The following COMMD10 variants were observed in gnomAD, a reference collection of about 807,000 sequenced individuals.
COMMD10 encodes the protein COMM domain containing 10, also known as COMM domain-containing protein 10.
In COMMD10, 33 loss-of-function variants were observed where a neutral mutation model predicts 28.9. That is an observed-to-expected ratio of 1.14 (90% CI 0.87 to 1.53). The LOEUF is 1.53. Ranked by LOEUF, COMMD10 falls within the 40% of genes most tolerant of loss-of-function variation. The pLI is 0.00. For synonymous variants in COMMD10, 110 were observed against 81.7 expected, an observed-to-expected ratio of 1.35 and a Z score of -1.87; for missense variants, 310 against 233.4, an observed-to-expected ratio of 1.33 and a Z score of -2.14.
chr5:116,185,733 A>G (rs1027994232), intron 5 of COMMD10, among the ~76,000 whole-genome samples: 4 of 152,158 alleles, frequency 2.6e-5, no homozygotes, highest in African/African-American at 9.7e-5. Context: ...TTGAGCCTTG[A>G]TTACAAATTT....
At chr5:116,092,038 A>G (rs1224431192) in intron 3 of COMMD10, among the ~76,000 whole-genome samples, 1 of 152,200 alleles carries the variant, frequency 6.6e-6, no homozygotes, top group Non-Finnish European at 1.5e-5. Flanking sequence ...ACAGCATAGC[A>G]TGGTGTTCCA....
At chr5:116,193,771 A>G (rs1748434073) in intron 5 of COMMD10, among the ~76,000 whole-genome samples, 1 of 152,228 alleles carries the variant, frequency 6.6e-6, no homozygotes, top group Admixed American at 6.5e-5. Context: ...ATCAAGACAA[A>G]GTCAACAAAG....
At chr5:116,164,021 A>G (rs546860425) in intron 5 of COMMD10, among the ~76,000 whole-genome samples, 16 of 152,262 alleles carry the variant, frequency 1.1e-4, no homozygotes, top group Admixed American at 5.2e-4. Flanking sequence ...TCCTTAGTCA[A>G]TATAACACTC....
In COMMD10 at chr5:116,276,875, A is replaced by G. The variant is rs762518255; in HGVS notation, c.511-14642A>G. ...ACCGGGAGAGGAGGGAGCAGGGGGT[A>G]AGACAGGAGAGTTGGTGGATAATAA... is the stretch of plus-strand genomic sequence containing the variant. On this transcript the variant is annotated intron_variant, in intron 5 of 6. Coordinates refer to ENST00000274458, the MANE Select transcript of COMMD10 (RefSeq NM_016144.4). Among the ~76,000 whole-genome samples, 4 of 151,762 alleles carry G rather than the reference A, an allele frequency of 2.6e-5. No homozygotes were observed. In the South Asian group the frequency reaches 8.3e-4, roughly 31 times the overall value.
intron 5 of COMMD10, among the ~76,000 whole-genome samples, chr5:116,188,162 T>A (rs1748203458): frequency 6.6e-6 from 1 of 152,162 alleles, no homozygotes; most frequent in Non-Finnish European, 1.5e-5. Context: ...CAATTAGTAC[T>A]CATGATGGAG....
At chr5:116,114,859 A>G (rs1000883801) in intron 4 of COMMD10, among the ~76,000 whole-genome samples, 1 of 151,840 alleles carries the variant, frequency 6.6e-6, no homozygotes, top group African/African-American at 2.4e-5. Context: ...CTCATAACTC[A>G]GCCCTGCCCA....
intron 5 of COMMD10, among the ~76,000 whole-genome samples, chr5:116,148,419 A>T (rs1752410877): frequency 6.6e-6 from 1 of 151,838 alleles, no homozygotes; most frequent in South Asian, 2.1e-4. Flanking sequence ...GACATAAAGA[A>T]GTTCTACCCT....
intron 5 of COMMD10, among the ~76,000 whole-genome samples, chr5:116,154,037 C>T (rs1406826924): frequency 6.6e-6 from 1 of 152,034 alleles, no homozygotes; most frequent in East Asian, 1.9e-4. Context: ...GGCAAGAGGT[C>T]AGCTGAGATA....
chr5:116,167,862 C>T (rs1313412300), intron 5 of COMMD10, among the ~76,000 whole-genome samples: 3 of 152,120 alleles, frequency 2.0e-5, no homozygotes, highest in Admixed American at 6.5e-5. Context: ...AAACTGGTAC[C>T]AGCCACTGCA....
At chr5:116,237,990 C>T (rs1440596146) in intron 5 of COMMD10, among the ~76,000 whole-genome samples, 2 of 152,112 alleles carry the variant, frequency 1.3e-5, no homozygotes, top group Non-Finnish European at 2.9e-5. Flanking sequence ...AAGCAATCTG[C>T]TCCCAGAATG....
chr5:116,195,238 C>T (rs944928275), intron 5 of COMMD10, among the ~76,000 whole-genome samples: 1 of 152,118 alleles, frequency 6.6e-6, no homozygotes, highest in Admixed American at 6.6e-5. Context: ...GAAAGCATTT[C>T]CTCTGAGAAC....
chr5:116,137,640 A>G (rs530032763), intron 5 of COMMD10, among the ~76,000 whole-genome samples: 3 of 152,122 alleles, frequency 2.0e-5, no homozygotes, highest in African/African-American at 7.2e-5. Context: ...ACTGAAGAGT[A>G]CGGTTTATAA....
chr5:116,085,911 C>T lies in COMMD10; in HGVS notation c.41+818C>T, dbSNP rs144621224. Among the ~76,000 whole-genome samples, 1,042 of 152,258 alleles carry T rather than the reference C, an allele frequency of 6.8e-3. 5 individuals are homozygous for T. Among genetic ancestry groups the T allele is most frequent in the Non-Finnish European group, 0.01 (685 of 68,024 alleles). ...CTTCTTTCTGGATTCCTTTTGTTAC[C>T]AGTGGAGGGTGTCCAGGTTCTTGGC... is the stretch of plus-strand genomic sequence containing the variant. On this transcript the variant is annotated intron_variant, in intron 1 of 6. Coordinates refer to ENST00000274458, the MANE Select transcript of COMMD10 (RefSeq NM_016144.4).
At position 116,085,028 on chromosome 5, in the gene COMMD10, C is replaced by A; in HGVS notation, c.-25C>A. 1 of 1,601,794 alleles carries A rather than the reference C, an allele frequency of 6.2e-7. No individual in the cohort carries two copies. Reference sequence around the variant, plus strand: ...GGCTGGGTTCGGCGCAGCTAACAGACGGCGGCAGTGCGAGAAAGCCGAAGA... The same window carrying A: ...GGCTGGGTTCGGCGCAGCTAACAGAAGGCGGCAGTGCGAGAAAGCCGAAGA... On this transcript the variant is annotated 5_prime_UTR_variant, in exon 1 of 7. Coordinates refer to ENST00000274458, the MANE Select transcript of COMMD10 (RefSeq NM_016144.4).
chr5:116,143,346 C>G (rs962899216), intron 5 of COMMD10, among the ~76,000 whole-genome samples: 1 of 151,424 alleles, frequency 6.6e-6, no homozygotes, highest in African/African-American at 2.4e-5. Context: ...TATTAATACA[C>G]CATTAGAGGT....
intron 5 of COMMD10, among the ~76,000 whole-genome samples, chr5:116,166,458 A>T (rs1753102699): frequency 6.6e-6 from 1 of 152,166 alleles, no homozygotes; most frequent in African/African-American, 2.4e-5. Context: ...CATCTAATAA[A>T]TTGAAATGCT....
At chr5:116,148,994 C>A (rs989494123) in intron 5 of COMMD10, among the ~76,000 whole-genome samples, 1 of 111,510 alleles carries the variant, frequency 9.0e-6, no homozygotes, top group Non-Finnish European at 1.8e-5. Context: ...AAAGCTATCC[C>A]TCCCCCCTCC....
intron 5 of COMMD10, among the ~76,000 whole-genome samples, chr5:116,194,605 T>C (rs1748458701): frequency 6.6e-6 from 1 of 152,062 alleles, no homozygotes; most frequent in African/African-American, 2.4e-5. Flanking sequence ...GCAACTCTCT[T>C]AGCTGCTTAC....
intron 5 of COMMD10, among the ~76,000 whole-genome samples, chr5:116,136,807 G>C (rs1333695998): frequency 3.3e-5 from 5 of 152,134 alleles, no homozygotes. Context: ...CAGAGCTAGA[G>C]CACCATTTTC....
Sources: gnomAD v4.1 joint callset for allele counts (sites outside exome capture counted in the v4.1 genomes callset) on GRCh38, gnomAD v4.1.1 for gene constraint, MANE v1.5 for transcripts, NCBI Gene and HGNC (gene_info 2026-07-23, HGNC 2026-07-21) for gene names.